Variants in FAT3 observed in about 807,000 individuals in gnomAD.
The protein encoded by FAT3 is protocadherin Fat 3.
FAT3 carries 95 observed loss-of-function variants against 310.2 expected under a neutral mutation model. The observed-to-expected ratio is 0.31, with a 90% CI of 0.26 to 0.36. The LOEUF (loss-of-function observed/expected upper bound fraction) is 0.36. Among genes scored for constraint, FAT3 ranks in the 10% least tolerant of loss-of-function variants. FAT3 has a pLI of 1.00. For missense variants in FAT3, 5,408 were observed against 5,715.6 expected, an observed-to-expected ratio of 0.95 and a Z score of 1.74; for synonymous variants, 2,314 against 2,192.9, an observed-to-expected ratio of 1.06 and a Z score of -1.54.
intron 3 of FAT3, among the ~76,000 whole-genome samples, chr11:92,651,331 C>T (rs555057906): frequency 1.4e-4 from 22 of 152,314 alleles, no homozygotes; most frequent in African/African-American, 4.3e-4. Context: ...GTCAGGGAAA[C>T]AAGCACCTTT....
rs893656724 is a variant in FAT3 at position 92,730,072 on chromosome 11, T to A, written c.3670-31784T>A. Among the ~76,000 whole-genome samples, 49 of 152,214 alleles carry A rather than the reference T, an allele frequency of 3.2e-4. 1 individual carries two copies. Among genetic ancestry groups the A allele is most frequent in the Admixed American group, 2.9e-3 (45 of 15,284 alleles). On this transcript the variant is annotated intron_variant, in intron 4 of 27. Coordinates refer to ENST00000525166, the MANE Select transcript of FAT3 (RefSeq NM_001367949.2). ...TTAAAATTAATGTATTTGGGCCAGG[T>A]AGATCATGTGTGTAATCCCAGCATT...
intron 4 of FAT3, among the ~76,000 whole-genome samples, chr11:92,740,354 A>G (rs1438222569): frequency 6.6e-6 from 1 of 152,182 alleles, no homozygotes; most frequent in Non-Finnish European, 1.5e-5. Flanking sequence ...TTCATTATTT[A>G]ACACATTTAA....
intron 1 of FAT3, among the ~76,000 whole-genome samples, chr11:92,264,621 G>A (rs1005005309): frequency 2.0e-4 from 30 of 152,222 alleles, no homozygotes; most frequent in African/African-American, 7.2e-4. Flanking sequence ...CATTTTTAGA[G>A]TATAAACACA....
chr11:92,510,520 A>G (rs1644799150), intron 2 of FAT3, among the ~76,000 whole-genome samples: 1 of 152,196 alleles, frequency 6.6e-6, no homozygotes, highest in African/African-American at 2.4e-5. Context: ...TACACAGACA[A>G]GAGTTTTTAT....
intron 3 of FAT3, among the ~76,000 whole-genome samples, chr11:92,656,160 C>T (rs908859579): frequency 2.0e-5 from 3 of 152,238 alleles, no homozygotes; most frequent in South Asian, 4.2e-4. Flanking sequence ...TTTTGACATA[C>T]GTTCCTACTA....
At chr11:92,492,879 T>A (rs1952648746) in intron 2 of FAT3, among the ~76,000 whole-genome samples, 1 of 152,082 alleles carries the variant, frequency 6.6e-6, no homozygotes, top group African/African-American at 2.4e-5. Flanking sequence ...GAGGCAGTCA[T>A]CATCAAGATG....
At position 92,354,695 on chromosome 11, in the gene FAT3, T is replaced by C; in HGVS notation, c.2583T>C (p.Gly861=). ...TGGAAGCCAGAGACAAAGACTTAGG[T>C]TCTAATGGTGAAGTGACTTACTCAG... ...IQVEARDKDL[G]SNGEVTYSVL... Residue 861 remains glycine, a synonymous_variant, in exon 2 of 28, where the codon GGT becomes GGC. Coordinates refer to ENST00000525166, the MANE Select transcript of FAT3 (RefSeq NM_001367949.2). The C allele has an allele frequency of 1.2e-6, 2 of 1,613,820 alleles. No homozygotes were observed.
chr11:92,251,501 A>T (rs539469560), intron 1 of FAT3, among the ~76,000 whole-genome samples: 2 of 152,278 alleles, frequency 1.3e-5, no homozygotes, highest in Admixed American at 1.3e-4. Context: ...CCTCATGATG[A>T]TCTGATTGTA....
chr11:92,421,874 T>G (rs1950539871), intron 2 of FAT3, among the ~76,000 whole-genome samples: 1 of 152,134 alleles, frequency 6.6e-6, no homozygotes, highest in African/African-American at 2.4e-5. Context: ...CTCCTGATGC[T>G]CAGCTGCTAT....
At chr11:92,378,335 A>G (rs1949403464) in intron 2 of FAT3, among the ~76,000 whole-genome samples, 2 of 152,072 alleles carry the variant, frequency 1.3e-5, no homozygotes, top group South Asian at 4.1e-4. Flanking sequence ...TTATATTTCT[A>G]TTATCCAGGA....
At position 92,805,278 on chromosome 11, in the gene FAT3, C is replaced by A; in HGVS notation, c.9022C>A (p.Leu3008Ile). The A allele has an allele frequency of 6.2e-7, 1 of 1,613,772 alleles. No homozygotes were observed. The highest frequency in any genetic ancestry group is 8.5e-7 in the Non-Finnish European group (1 of 1,179,832). ...YFLNITATDG[L>I]FVTQAMVEVS... The stretch of plus-strand genomic sequence containing the variant: ...TCTCAATATCACTGCCACTGATGGG[C>A]TTTTTGTCACACAGGCCATGGTGGA... Residue 3008 changes from leucine (L) to isoleucine (I), a missense_variant, in exon 11 of 28, where the codon CTT becomes ATT. Leu to Ile is a conservative substitution (Grantham distance 5, BLOSUM62 2). Transcript: ENST00000525166.
intron 3 of FAT3, among the ~76,000 whole-genome samples, chr11:92,688,991 A>G (rs1943716059): frequency 6.6e-6 from 1 of 152,194 alleles, no homozygotes; most frequent in Non-Finnish European, 1.5e-5. Context: ...CATTGAACAC[A>G]TATGATACTC....
chr11:92,467,070 A>T (rs2098616848), intron 2 of FAT3, among the ~76,000 whole-genome samples: 1 of 152,042 alleles, frequency 6.6e-6, no homozygotes, highest in East Asian at 1.9e-4. Flanking sequence ...TAGCAGCATG[A>T]TTTATAGTCT....
chr11:92,628,707 C>T (rs1388676957), intron 3 of FAT3, among the ~76,000 whole-genome samples: 5 of 152,146 alleles, frequency 3.3e-5, no homozygotes, highest in African/African-American at 1.2e-4. Flanking sequence ...GGAGATTGTC[C>T]ACTCTTGTCT....
chr11:92,466,548 C>G (rs531965444), intron 2 of FAT3, among the ~76,000 whole-genome samples: 1 of 151,464 alleles, frequency 6.6e-6, no homozygotes, highest in Non-Finnish European at 1.5e-5. Flanking sequence ...GCCTCCATTC[C>G]GCATATCTTT....
rs1947313541 is a variant in FAT3 at position 92,800,653 on chromosome 11, A to G, written c.7640A>G (p.Asp2547Gly). ...NDFAKDRFLIDSNGQVITTER... is the reference protein window; with the variant it reads ...NDFAKDRFLIGSNGQVITTER... Reference sequence around the variant, plus strand: ...TTTGCCAAGGATCGATTCCTCATAGACAGCAATGGGCAGGTCATCACCACA... The same window carrying G: ...TTTGCCAAGGATCGATTCCTCATAGGCAGCAATGGGCAGGTCATCACCACA... Residue 2547 changes from aspartate (D) to glycine (G), a missense_variant, in exon 10 of 28, where the codon GAC becomes GGC. By Grantham distance (94) the Asp-to-Gly change is moderately conservative. This residue lies in a region of FAT3 where 4,588 missense variants were observed against 4,809.8 expected (regional missense o/e 0.95). Transcript: ENST00000525166. 6.2e-7 allele frequency: 1 copy of G among 1,613,696 alleles called. No homozygotes were observed.
intron 19 of FAT3, among the ~76,000 whole-genome samples, chr11:92,854,094 C>A (rs888432611): frequency 6.6e-6 from 1 of 152,192 alleles, no homozygotes; most frequent in South Asian, 2.1e-4. Flanking sequence ...GCTTCCCTCC[C>A]GTGCTCATCT....
chr11:92,803,254 A>G (rs1011089956), intron 10 of FAT3, among the ~76,000 whole-genome samples: 9 of 152,218 alleles, frequency 5.9e-5, no homozygotes, highest in Admixed American at 5.2e-4. Flanking sequence ...GGACTATCCC[A>G]TCGACTTTAC....
chr11:92,834,723 A>G (rs1948354361), intron 14 of FAT3, 147 bp from the exon 15 acceptor site: 2 of 690,848 alleles, frequency 2.9e-6, no homozygotes, highest in Non-Finnish European at 4.8e-6. Context: ...GACGTCTGTA[A>G]TACTTTCAGT....
Sources: gnomAD v4.1 joint callset for allele counts (sites outside exome capture counted in the v4.1 genomes callset) on GRCh38, gnomAD v4.1.1 for gene constraint, gnomAD v4.1.1 regional missense constraint, MANE v1.5 for transcripts, NCBI Gene and HGNC (gene_info 2026-07-23, HGNC 2026-07-21) for gene names.